The following SETD4 variants were observed in gnomAD, a reference collection of about 807,000 sequenced individuals.
SETD4 encodes the protein SET domain containing 4.
A neutral mutation model predicts 58.3 loss-of-function variants in SETD4; 46 were observed. That is an observed-to-expected ratio of 0.79 (90% CI 0.62 to 1.01). SETD4 has a LOEUF of 1.01. SETD4 is among the 50% of genes least tolerant of loss of function. SETD4 has a pLI of 0.00. For synonymous variants in SETD4, 190 were observed against 202.6 expected (o/e 0.94, Z 0.53); for missense variants, 490 against 523.3 (o/e 0.94, Z 0.62).
intron 4 of SETD4, among the ~76,000 whole-genome samples, chr21:36,051,886 T>C (rs1275543609): frequency 6.6e-6 from 1 of 152,234 alleles, no homozygotes; most frequent in Non-Finnish European, 1.5e-5. Flanking sequence ...GTTTATGAAA[T>C]CTTGAGGGGC....
chr21:36,039,079 G>A (rs1180279026), intron 9 of SETD4, among the ~76,000 whole-genome samples: 1 of 152,116 alleles, frequency 6.6e-6, no homozygotes, highest in Admixed American at 6.6e-5. Context: ...ACACAGCCCG[G>A]AATAGTCTCA....
At chr21:36,039,451 C>T (rs1029939223) in intron 9 of SETD4, among the ~76,000 whole-genome samples, 2 of 152,030 alleles carry the variant, frequency 1.3e-5, no homozygotes, top group African/African-American at 4.8e-5. Context: ...CTGAAGTGTC[C>T]GAAAAGGACT....
intron 9 of SETD4, among the ~76,000 whole-genome samples, chr21:36,039,285 T>TGACAGAGCTAGTGAGGCAGAAAGA (rs1161278518): frequency 6.6e-6 from 1 of 152,096 alleles, no homozygotes; most frequent in Non-Finnish European, 1.5e-5. Flanking sequence ...TCACCCTGAG[T>TGACAGAGCTAGTGAGGCAGAAAGA]GACAGAGCTA....
At chr21:36,037,621 T>A (rs906173369) in intron 10 of SETD4, among the ~76,000 whole-genome samples, 395 of 119,248 alleles carry the variant, frequency 3.3e-3, no homozygotes, top group African/African-American at 7.7e-3. Flanking sequence ...AAAAAAAAAA[T>A]AGAAAAGAAA....
chr21:36,044,760 C>G (rs899457280), intron 6 of SETD4, among the ~76,000 whole-genome samples: 8 of 152,252 alleles, frequency 5.3e-5, no homozygotes, highest in Non-Finnish European at 1.2e-4. Context: ...GCTCACAAGG[C>G]ATGGCTGCTC....
intron 4 of SETD4, among the ~76,000 whole-genome samples, chr21:36,051,948 G>C (rs1238433607): frequency 6.6e-6 from 1 of 151,606 alleles, no homozygotes; most frequent in African/African-American, 2.4e-5. Context: ...CTCTTAATTT[G>C]GTGGGAGGGT....
At chr21:36,058,513 AAAAAAAAAG>A in intron 2 of SETD4, among the ~76,000 whole-genome samples, 1 of 132,622 alleles carries the variant, frequency 7.5e-6, no homozygotes, top group Middle Eastern at 3.7e-3. Flanking sequence ...TCCAAAAAAA[AAAAAAAAAG>A]AAAGATTCTC....
chr21:36,055,764 A>G (rs2123762025), intron 3 of SETD4, among the ~76,000 whole-genome samples: 1 of 152,338 alleles, frequency 6.6e-6, no homozygotes, highest in East Asian at 1.9e-4. Flanking sequence ...AGTTGTGCTC[A>G]CTTTTAAAAA....
chr21:36,036,467 T>G, intron 10 of SETD4: 1 of 315,806 alleles, frequency 3.2e-6, no homozygotes, highest in South Asian at 1.2e-4. Context: ...ATTCCCCTCT[T>G]CCCCAAACCC....
chr21:36,042,464 T>C (rs1211900028), intron 7 of SETD4: 1 of 152,212 alleles, frequency 6.6e-6, no homozygotes, highest in African/African-American at 2.4e-5. Flanking sequence ...CGGACATCAA[T>C]ATTAAATTTA....
chr21:36,048,056 A>AGAGGGAGGGAGG (rs1162900771), intron 5 of SETD4, among the ~76,000 whole-genome samples: 2 of 104,620 alleles, frequency 1.9e-5, no homozygotes, highest in Non-Finnish European at 3.6e-5. Context: ...AGGAAGGAAG[A>AGAGGGAGGGAGG]GAGGGAGGGA....
Position 36,043,833 on chromosome 21 carries a change from A to G in SETD4, c.850T>C (p.Tyr284His), listed in dbSNP as rs968625610. 2 of 1,614,114 alleles carry G rather than the reference A, an allele frequency of 1.2e-6. No individual in the cohort carries two copies. Among genetic ancestry groups the G allele is most frequent in the Non-Finnish European group, 1.7e-6 (2 of 1,180,050 alleles). The change falls in exon 7 of 12, where the codon TAC (tyrosine) becomes CAC (histidine). Residue 284 changes from tyrosine (Y) to histidine (H), a missense_variant. Transcript: ENST00000332131. Reference sequence around the variant, plus strand: ...GGATTATGGACAGAAACAAATCCGTATTCCAGGAACAGCCGTTGATTATCG... The same window carrying G: ...GGATTATGGACAGAAACAAATCCGTGTTCCAGGAACAGCCGTTGATTATCG... The part of the protein sequence containing the change: ...PHDNQRLFLE[Y>H]GFVSVHNPHA...
At chr21:36,058,637 G>A (rs542072576) in intron 2 of SETD4, among the ~76,000 whole-genome samples, 179 bp downstream of exon 2, 1 of 152,298 alleles carries the variant, frequency 6.6e-6, no homozygotes, top group East Asian at 1.9e-4. Context: ...AGAATCGCTT[G>A]AACCGGGGAA....
At chr21:36,056,274 T>C (rs1213943917) in intron 3 of SETD4, among the ~76,000 whole-genome samples, 4 of 152,232 alleles carry the variant, frequency 2.6e-5, no homozygotes, top group Admixed American at 6.5e-5. Flanking sequence ...TAATGGGTAC[T>C]TGAATAATAA....
At chr21:36,040,703 A>G (rs1202626564) in intron 8 of SETD4, 48 bp from the exon 9 acceptor site, 2 of 1,517,436 alleles carry the variant, frequency 1.3e-6, no homozygotes, top group Admixed American at 3.3e-5. Flanking sequence ...TCAGTATTTC[A>G]TGACCTCATA....
rs1258216559 is a variant in SETD4, at chr21:36,034,664, G to A, written c.*1329C>T. On this transcript the variant is annotated 3_prime_UTR_variant, in exon 12 of 12. Transcript: ENST00000332131. ...AAATTCTGGCATAGCACAGGGGTCA[G>A]GAAACTATGGCCCACCACCTGTCGT... 6.6e-6 allele frequency: 1 copy of A among 152,196 alleles called. No homozygotes were observed. The highest frequency in any genetic ancestry group is 2.4e-5 in the African/African-American group (1 of 41,456). 9.4% of individuals were successfully genotyped at this position (152,196 alleles called of 1,614,324 possible).
At chr21:36,052,385 A>T (rs1208741419) in intron 4 of SETD4, among the ~76,000 whole-genome samples, 8 of 98,664 alleles carry the variant, frequency 8.1e-5, no homozygotes, top group Admixed American at 6.2e-4. Flanking sequence ...TGTCTCTACT[A>T]AAAAAAAAAA....
At chr21:36,047,631 G>A (rs573231675) in intron 5 of SETD4, among the ~76,000 whole-genome samples, 7 of 151,990 alleles carry the variant, frequency 4.6e-5, no homozygotes, top group African/African-American at 1.7e-4. Context: ...GATGGATCGG[G>A]ATATCATACC....
rs1568919024 is a variant in SETD4 at position 36,045,975 on chromosome 21, G to A, written c.333C>T (p.Cys111=). The A allele has an allele frequency of 2.5e-6, 4 of 1,614,102 alleles. No individual in the cohort carries two copies. The highest frequency in any genetic ancestry group is 2.2e-5 in the East Asian group (1 of 44,884). The part of the protein sequence containing the change: ...KPPPSPLLAL[C]TFLVSEKHAG... The stretch of plus-strand genomic sequence containing the variant: ...CATGCTTTTCTGAAACTAAAAAGGT[G>A]CACAGCGCCAGCAGAGGAGATGGAG... The change falls in exon 6 of 12, where the codon TGC becomes TGT. Residue 111 remains cysteine, a synonymous_variant. Coordinates refer to ENST00000332131, the MANE Select transcript of SETD4 (RefSeq NM_017438.5).
Sources: gnomAD v4.1 joint callset for allele counts (sites outside exome capture counted in the v4.1 genomes callset) on GRCh38, gnomAD v4.1.1 for gene constraint, MANE v1.5 for transcripts, NCBI Gene and HGNC (gene_info 2026-07-23, HGNC 2026-07-21) for gene names.